The following SLC9C1 variants were observed in gnomAD, a reference collection of about 807,000 sequenced individuals.
SLC9C1 encodes sodium/hydrogen exchanger 10.
Under a neutral mutation model 140.9 loss-of-function variants are expected in SLC9C1, and 97 were observed. That is an observed-to-expected ratio of 0.69 (90% CI 0.58 to 0.82). The LOEUF is 0.82. SLC9C1 is among the 40% of genes least tolerant of loss of function. SLC9C1 has a pLI of 0.00. For synonymous variants in SLC9C1, 440 were observed against 442.6 expected (o/e 0.99, Z 0.07); for missense variants, 1,340 against 1,389.3 (o/e 0.96, Z 0.56).
At chr3:112,290,599 A>T (rs1009127102) in intron 1 of SLC9C1, among the ~76,000 whole-genome samples, 1 of 151,956 alleles carries the variant, frequency 6.6e-6, no homozygotes, top group Non-Finnish European at 1.5e-5. Context: ...TAGGTCCTGA[A>T]TATGTTTGTT....
chr3:112,145,742 G>T (rs1234340812), intron 28 of SLC9C1, among the ~76,000 whole-genome samples: 1 of 151,846 alleles, frequency 6.6e-6, no homozygotes, highest in Non-Finnish European at 1.5e-5. Context: ...ATATGGTTTG[G>T]CTGTGTTTCC....
In SLC9C1 at chr3:112,269,925, A is replaced by C. The variant is rs1351194888; in HGVS notation, c.766T>G (p.Phe256Val). The change falls in exon 7 of 29, where the codon TTT (phenylalanine) becomes GTT (valine). Residue 256 changes from phenylalanine (F) to valine (V), a missense_variant. Transcript: ENST00000305815. ...SLIFSILYLI[F>V]YICELVGMSG... ...TAGGCCCCTCACTTACAAATATAAA[A>C]GATGAGATACAGAATTGAAAAGATG... 6.5e-7 allele frequency: 1 copy of C among 1,532,602 alleles called. No homozygotes were observed. The highest frequency in any genetic ancestry group is 1.4e-5 in the African/African-American group (1 of 70,812). 94.9% of individuals were successfully genotyped at this position (1,532,602 alleles called of 1,614,324 possible). A position where few individuals can be genotyped will look rare whatever the true frequency, so the allele number is the denominator to read the frequency against.
chr3:112,159,019 T>C (rs1215606675), intron 26 of SLC9C1, among the ~76,000 whole-genome samples: 2 of 151,872 alleles, frequency 1.3e-5, no homozygotes, highest in African/African-American at 2.4e-5. Flanking sequence ...GCTCATTTAT[T>C]ATTTATTCTC....
chr3:112,288,950 T>C (rs2080598687), intron 1 of SLC9C1, among the ~76,000 whole-genome samples: 3 of 152,182 alleles, frequency 2.0e-5, no homozygotes. Context: ...CCTAAGGAGC[T>C]ATAATGATAC....
intron 23 of SLC9C1, among the ~76,000 whole-genome samples, chr3:112,178,636 C>G (rs2077383407): frequency 3.3e-5 from 5 of 152,150 alleles, no homozygotes. Context: ...GTGGTGCTAG[C>G]ACTTCTGCTA....
intron 26 of SLC9C1, 148 bp from the exon 27 acceptor site, chr3:112,155,197 AG>A (rs2075095865): frequency 1.7e-6 from 1 of 603,196 alleles, no homozygotes; most frequent in South Asian, 3.4e-5. Flanking sequence ...GTTAAAAAAA[AG>A]GGTCACATTT....
At chr3:112,169,676 C>A (rs769061963) in intron 23 of SLC9C1, among the ~76,000 whole-genome samples, 1 of 152,074 alleles carries the variant, frequency 6.6e-6, no homozygotes, top group African/African-American at 2.4e-5. Context: ...ATTCCCCCAG[C>A]TTTGTTCTTT....
intron 17 of SLC9C1, 96 bp from the exon 18 acceptor site, chr3:112,202,495 A>G (rs1342178730): frequency 7.9e-7 from 1 of 1,258,058 alleles, no homozygotes; most frequent in Non-Finnish European, 1.1e-6. Flanking sequence ...ATAAGAAATT[A>G]AGTGCCCTCA....
At chr3:112,193,105 C>T (rs1008823956) in intron 20 of SLC9C1, among the ~76,000 whole-genome samples, 2 of 152,140 alleles carry the variant, frequency 1.3e-5, no homozygotes, top group Non-Finnish European at 2.9e-5. Context: ...AATCCATACT[C>T]GTGAATTTTG....
Position 112,278,763 on chromosome 3 carries a change from A to G in SLC9C1, c.284T>C (p.Met95Thr). The change falls in exon 4 of 29, where the codon ATG (methionine) becomes ACG (threonine). Residue 95 changes from methionine to threonine, a missense_variant. Transcript: ENST00000305815. ...TAACTTTTGAAGCATGTACGTATCC[A>G]TGTCAAATGCAGTAGTAAAGAAAAC... ...PVVFFTTAFD[M>T]DTYMLQKLFW... The G allele has an allele frequency of 6.2e-7, 1 of 1,610,678 alleles. No homozygotes were observed. Among genetic ancestry groups the G allele is most frequent in the South Asian group, 1.1e-5 (1 of 90,638 alleles).
intron 7 of SLC9C1, among the ~76,000 whole-genome samples, chr3:112,267,049 C>G (rs116632224): frequency 6.6e-6 from 1 of 151,628 alleles, no homozygotes; most frequent in African/African-American, 2.4e-5. Flanking sequence ...GGGAGGCTGA[C>G]GGATGACTGC....
At chr3:112,253,425 A>G (rs957076727) in intron 10 of SLC9C1, among the ~76,000 whole-genome samples, 17 of 152,178 alleles carry the variant, frequency 1.1e-4, no homozygotes, top group African/African-American at 3.9e-4. Context: ...TAGGGGAGCC[A>G]TGTGACCAAG....
chr3:112,159,568 G>A (rs1428315406), intron 26 of SLC9C1, among the ~76,000 whole-genome samples: 2 of 152,056 alleles, frequency 1.3e-5, no homozygotes, highest in African/African-American at 4.8e-5. Context: ...GTAAATGTCT[G>A]TTAGGCTCAT....
chr3:112,174,460 G>A (rs1418644488), intron 23 of SLC9C1, among the ~76,000 whole-genome samples: 1 of 152,198 alleles, frequency 6.6e-6, no homozygotes, highest in Non-Finnish European at 1.5e-5. Context: ...CCCAGACTAA[G>A]GGCAGCAGGG....
At chr3:112,159,624 C>A (rs890617487) in intron 26 of SLC9C1, among the ~76,000 whole-genome samples, 1 of 151,958 alleles carries the variant, frequency 6.6e-6, no homozygotes, top group African/African-American at 2.4e-5. Context: ...TATTTTCTGT[C>A]TTCATAATCT....
rs1288717357 is a variant in SLC9C1, at chr3:112,168,865, A to G, written c.3237+12T>C. 3 of 1,565,278 alleles carry G rather than the reference A, an allele frequency of 1.9e-6. No homozygotes were observed. In the South Asian group the frequency reaches 3.7e-5, roughly 19 times the overall value. On this transcript the variant is annotated intron_variant, in intron 25 of 28. Coordinates refer to ENST00000305815, the MANE Select transcript of SLC9C1 (RefSeq NM_183061.3). ...CATATTGATCTGAAGACAGGAATCA[A>G]TATTTCTTTACCTGATGGCATGTTA... is the stretch of plus-strand genomic sequence containing the variant.
intron 12 of SLC9C1, among the ~76,000 whole-genome samples, chr3:112,237,439 G>A (rs1169223861): frequency 6.6e-6 from 1 of 152,146 alleles, no homozygotes; most frequent in East Asian, 1.9e-4. Context: ...TTTAATTGGA[G>A]CATTTAGCCC....
chr3:112,221,882 A>G (rs1398292906), intron 13 of SLC9C1, among the ~76,000 whole-genome samples: 1 of 152,172 alleles, frequency 6.6e-6, no homozygotes, highest in Non-Finnish European at 1.5e-5. Context: ...GCTGAACACT[A>G]TTCAGAAACT....
At chr3:112,261,948 T>A (rs910023810) in intron 10 of SLC9C1, among the ~76,000 whole-genome samples, 5 of 152,038 alleles carry the variant, frequency 3.3e-5, no homozygotes, top group African/African-American at 9.7e-5. Flanking sequence ...ACAACAGAAA[T>A]GGGCAAATAC....
Sources: allele counts gnomAD v4.1 joint callset (sites outside exome capture counted in the v4.1 genomes callset), GRCh38; gene constraint gnomAD v4.1.1; transcripts MANE v1.5; gene names NCBI Gene and HGNC (gene_info 2026-07-23, HGNC 2026-07-21).